LUC7L2: variants seen among roughly 807,000 people sequenced by gnomAD.
The protein encoded by LUC7L2 is putative RNA-binding protein Luc7-like 2.
A neutral mutation model predicts 52.8 loss-of-function variants in LUC7L2; 25 were observed. That is an observed-to-expected ratio of 0.47 (90% CI 0.34 to 0.66). The LOEUF (loss-of-function observed/expected upper bound fraction) is 0.66, where lower values mean the gene tolerates loss of function less well. Ranked by LOEUF, LUC7L2 falls within the 30% of genes least tolerant of loss-of-function variation. The probability of loss-of-function intolerance (pLI) is 0.01; values close to 1 mark genes in which losing one functional copy is unlikely to be tolerated. For missense variants in LUC7L2, 328 were observed against 497.8 expected, an observed-to-expected ratio of 0.66 and a Z score of 3.25; for synonymous variants, 144 against 160.9, an observed-to-expected ratio of 0.89 and a Z score of 0.80.
upstream of LUC7L2, among the ~76,000 whole-genome samples, chr7:139,356,017 AAAATAACCACT>A (rs547185418): frequency 1.2e-4 from 18 of 152,324 alleles, no homozygotes; most frequent in South Asian, 3.7e-3. Context: ...GTGCCCAAAG[AAAATAACCACT>A]GGGCGTGGTG....
At chr7:139,390,241 T>TCTC (rs1569381620) in intron 2 of LUC7L2, among the ~76,000 whole-genome samples, 9 of 145,848 alleles carry the variant, frequency 6.2e-5, no homozygotes, top group Non-Finnish European at 1.2e-4. Flanking sequence ...CTCTCTCTCT[T>TCTC]TTTTTCTTAT....
chr7:139,351,649 A>G (rs1244327444), intron 1 of LUC7L2, among the ~76,000 whole-genome samples: 1 of 152,188 alleles, frequency 6.6e-6, no homozygotes, highest in Non-Finnish European at 1.5e-5. Context: ...CTTCAGCTTC[A>G]TCTCTATTCT....
chr7:139,374,485 A>T (rs1360357752), intron 1 of LUC7L2: 1 of 1,550,698 alleles, frequency 6.4e-7, no homozygotes. Context: ...AGTTATCGCT[A>T]ACTTTTCAGA....
At chr7:139,374,151 C>T (rs933365883) in intron 1 of LUC7L2, among the ~76,000 whole-genome samples, 1 of 152,058 alleles carries the variant, frequency 6.6e-6, no homozygotes, top group African/African-American at 2.4e-5. Flanking sequence ...TTTAAAACCC[C>T]ACTTGGCTCA....
intron 6 of LUC7L2, among the ~76,000 whole-genome samples, 153 bp downstream of exon 6, chr7:139,407,503 G>A (rs1478039425): frequency 6.6e-6 from 1 of 152,128 alleles, no homozygotes; most frequent in Non-Finnish European, 1.5e-5. Flanking sequence ...ATTCAAGTTG[G>A]TTTAATGGAT....
In LUC7L2 at chr7:139,359,937, G is replaced by GA. The variant is rs1799773993; in HGVS notation, c.-324dup. ...GTGGCGGCGAGCGGCGTCAGAGCTT[G>GA]AGGGGGGGTTGACGGCTTCTGGCGG... is the stretch of plus-strand genomic sequence containing the variant. On this transcript the variant is annotated 5_prime_UTR_variant, in exon 1 of 10. Coordinates refer to ENST00000354926, the MANE Select transcript of LUC7L2 (RefSeq NM_016019.5). 2.4e-6 allele frequency: 1 copy of GA among 421,754 alleles called. No individual in the cohort carries two copies. Among genetic ancestry groups the GA allele is most frequent in the East Asian group, 3.6e-5 (1 of 28,092 alleles). 26.1% of individuals were successfully genotyped at this position (421,754 alleles called of 1,614,324 possible).
chr7:139,422,119 T>C, intron 9 of LUC7L2, 44 bp from the exon 10 acceptor site: 1 of 1,558,950 alleles, frequency 6.4e-7, no homozygotes, highest in Non-Finnish European at 8.6e-7. Flanking sequence ...TTTGGGTTTT[T>C]GGGTTTCCCA....
intron 8 of LUC7L2, 125 bp downstream of exon 8, chr7:139,412,705 G>A: frequency 8.7e-7 from 1 of 1,147,500 alleles, no homozygotes; most frequent in Non-Finnish European, 1.2e-6. Flanking sequence ...ATGCATGCTT[G>A]TAATCCCAGC....
chr7:139,389,558 C>T (rs1362352827), intron 2 of LUC7L2, among the ~76,000 whole-genome samples: 1 of 152,152 alleles, frequency 6.6e-6, no homozygotes, highest in African/African-American at 2.4e-5. Flanking sequence ...CTAGAAACCT[C>T]CTCATACACA....
chr7:139,374,701 A>G (rs1585087825), intron 1 of LUC7L2: 1 of 1,329,416 alleles, frequency 7.5e-7, no homozygotes, highest in Non-Finnish European at 9.6e-7. Context: ...TGTTGTTAAA[A>G]TTTTATATAC....
At chr7:139,374,594 A>C in intron 1 of LUC7L2, 2 of 1,514,708 alleles carry the variant, frequency 1.3e-6, no homozygotes, top group Non-Finnish European at 1.8e-6. Context: ...ACTAAACTGA[A>C]TATTCCAAAT....
intron 2 of LUC7L2, among the ~76,000 whole-genome samples, chr7:139,390,091 C>T (rs1309138965): frequency 1.3e-5 from 2 of 152,022 alleles, no homozygotes; most frequent in African/African-American, 2.4e-5. Context: ...AATTCAAGGC[C>T]GCAGTGAGCT....
chr7:139,363,052 A>G (rs558268713), intron 1 of LUC7L2: 414 of 173,870 alleles, frequency 2.4e-3, no homozygotes, highest in Non-Finnish European at 3.4e-3. Context: ...GCTTTAGACA[A>G]TCTGAGGGCA....
chr7:139,384,389 C>G (rs1794100480), intron 2 of LUC7L2, among the ~76,000 whole-genome samples: 1 of 151,974 alleles, frequency 6.6e-6, no homozygotes, highest in Non-Finnish European at 1.5e-5. Flanking sequence ...CCTCAGCCTC[C>G]CGAGTAGCTG....
chr7:139,353,612 G>A (rs1799521475), intron 1 of LUC7L2, among the ~76,000 whole-genome samples: 1 of 152,170 alleles, frequency 6.6e-6, no homozygotes, highest in South Asian at 2.1e-4. Flanking sequence ...GGCCAACATG[G>A]TGAAACCCCA....
rs745954443 is a variant in LUC7L2, at chr7:139,412,519, C to T, written c.780-32C>T. On this transcript the variant is annotated intron_variant, in intron 7 of 9. Coordinates refer to ENST00000354926, the MANE Select transcript of LUC7L2 (RefSeq NM_016019.5). Reference sequence around the variant, plus strand: ...TGCACTGTTTTCTTATTTATAGCCACTTTTCTAAAAATACATATTTTTTTT... The same window carrying T: ...TGCACTGTTTTCTTATTTATAGCCATTTTTCTAAAAATACATATTTTTTTT... 2.4e-5 allele frequency: 38 copies of T among 1,577,020 alleles called. No individual in the cohort carries two copies. In the African/African-American group the frequency reaches 5.3e-4, roughly 22 times the overall value.
chr7:139,359,624 A>G (rs960281822), upstream of LUC7L2: 2 of 396,588 alleles, frequency 5.0e-6, no homozygotes, highest in African/African-American at 4.1e-5. Context: ...AATCGCCATC[A>G]CCGCGGGCAG....
At chr7:139,415,566 A>G (rs1795554466) in intron 8 of LUC7L2, among the ~76,000 whole-genome samples, 1 of 145,324 alleles carries the variant, frequency 6.9e-6, no homozygotes, top group Admixed American at 6.8e-5. Context: ...CAGCTGTGGA[A>G]ATAACGCTTT....
chr7:139,384,152 AT>A (rs894642918), intron 2 of LUC7L2, among the ~76,000 whole-genome samples: 2 of 152,136 alleles, frequency 1.3e-5, no homozygotes, highest in East Asian at 1.9e-4. Flanking sequence ...TAAATGGTTT[AT>A]TTTGGGCTGC....
Sources: gnomAD v4.1 joint callset for allele counts (sites outside exome capture counted in the v4.1 genomes callset) on GRCh38, gnomAD v4.1.1 for gene constraint, MANE v1.5 for transcripts, NCBI Gene and HGNC (gene_info 2026-07-23, HGNC 2026-07-21) for gene names.